Variants in TGFA observed in about 807,000 individuals in gnomAD.
TGFA encodes protransforming growth factor alpha.
In TGFA, 12 loss-of-function variants were observed where a neutral mutation model predicts 21.7. The ratio of observed to expected loss-of-function variants is 0.55; its 90% CI spans 0.35 to 0.90. The LOEUF (loss-of-function observed/expected upper bound fraction) is 0.90, where lower values mean the gene tolerates loss of function less well. Ranked by LOEUF, TGFA falls within the 40% of genes least tolerant of loss-of-function variation. The pLI, the probability that TGFA is intolerant of heterozygous loss-of-function variation, is 0.01. For synonymous variants in TGFA, 79 were observed against 88.1 expected, an observed-to-expected ratio of 0.90 and a Z score of 0.58; for missense variants, 178 against 210.8, an observed-to-expected ratio of 0.84 and a Z score of 0.96.
At position 70,504,469 on chromosome 2, in the gene TGFA, CAT is replaced by C. The variant is rs1230209696; in HGVS notation, c.94+10388_94+10389del. Among the ~76,000 whole-genome samples, 509 of 80,538 alleles carry C rather than the reference CAT, an allele frequency of 6.3e-3. 12 individuals carry two copies. Among genetic ancestry groups the C allele is most frequent in the African/African-American group, 0.018 (431 of 23,450 alleles). 52.8% of individuals were successfully genotyped at this position (80,538 alleles called of 152,430 possible). A position where few individuals can be genotyped will look rare whatever the true frequency, so the allele number is the denominator to read the frequency against. On this transcript the variant is annotated intron_variant, in intron 2 of 5. Coordinates refer to ENST00000295400, the MANE Select transcript of TGFA (RefSeq NM_003236.4). The stretch of plus-strand genomic sequence containing the variant: ...ATATATATATATATATATATACACA[CAT>C]ACATACATACATACACACACACACA...
At chr2:70,502,131 C>T (rs1671756097) in intron 2 of TGFA, among the ~76,000 whole-genome samples, 2 of 152,222 alleles carry the variant, frequency 1.3e-5, no homozygotes, top group African/African-American at 4.8e-5. Context: ...ATCGATGTTC[C>T]TCCTGAATCT....
intron 2 of TGFA, among the ~76,000 whole-genome samples, chr2:70,473,310 G>A (rs1553493605): frequency 6.6e-6 from 1 of 152,184 alleles, no homozygotes; most frequent in Non-Finnish European, 1.5e-5. Flanking sequence ...AGAGCTTAGA[G>A]AAGTAAATGG....
rs1488850382 is a variant in TGFA, at chr2:70,465,753, T to A, written c.95-17A>T. 4.3e-6 allele frequency: 7 copies of A among 1,613,254 alleles called. No individual in the cohort carries two copies. The highest frequency in any genetic ancestry group is 2.2e-5 in the East Asian group (1 of 44,880). On this transcript the variant is annotated splice_polypyrimidine_tract_variant and intron_variant, in intron 2 of 5. Coordinates refer to ENST00000295400, the MANE Select transcript of TGFA (RefSeq NM_003236.4). ...GCGGGTCTGCTGGGGAGAGGAAAGA[T>A]GCAGGGCTCAGATCCAGGAACAGCT...
intron 3 of TGFA, among the ~76,000 whole-genome samples, chr2:70,464,703 T>C (rs746303183): frequency 8.5e-5 from 13 of 152,238 alleles, no homozygotes; most frequent in Non-Finnish European, 1.8e-4. Context: ...TCTTTAAATA[T>C]GTCTTTCTGA....
At chr2:70,500,831 G>C (rs571357615) in intron 2 of TGFA, among the ~76,000 whole-genome samples, 1 of 152,230 alleles carries the variant, frequency 6.6e-6, no homozygotes, top group Admixed American at 6.5e-5. Flanking sequence ...CAGATGGATG[G>C]CTTGCAAATA....
intron 2 of TGFA, among the ~76,000 whole-genome samples, chr2:70,482,198 C>A (rs552211586): frequency 2.0e-5 from 3 of 151,854 alleles, no homozygotes; most frequent in African/African-American, 7.3e-5. Context: ...TTACCAAATA[C>A]GTTGGATGTT....
intron 1 of TGFA, among the ~76,000 whole-genome samples, chr2:70,521,879 C>A (rs1216466557): frequency 6.6e-6 from 1 of 152,034 alleles, no homozygotes; most frequent in Non-Finnish European, 1.5e-5. Flanking sequence ...TCCCAAAGTG[C>A]TGGGATTACA....
At chr2:70,466,183 G>A (rs1425030764) in intron 2 of TGFA, among the ~76,000 whole-genome samples, 1 of 152,196 alleles carries the variant, frequency 6.6e-6, no homozygotes, top group East Asian at 1.9e-4. Flanking sequence ...GCAAAAAGGT[G>A]CTTATGATAT....
chr2:70,488,525 TTC>T (rs1366768067), intron 2 of TGFA, among the ~76,000 whole-genome samples: 1 of 152,204 alleles, frequency 6.6e-6, no homozygotes, highest in Non-Finnish European at 1.5e-5. Flanking sequence ...TCTACTGAGA[TTC>T]TGTTTCTGTA....
At chr2:70,483,618 A>C (rs1327029577) in intron 2 of TGFA, among the ~76,000 whole-genome samples, 1 of 152,202 alleles carries the variant, frequency 6.6e-6, no homozygotes, top group Non-Finnish European at 1.5e-5. Context: ...CTGGTTTTGC[A>C]CTAACCTTTT....
intron 1 of TGFA, among the ~76,000 whole-genome samples, chr2:70,552,150 G>A (rs1341551785): frequency 6.6e-6 from 1 of 151,950 alleles, no homozygotes; most frequent in African/African-American, 2.4e-5. Context: ...TTCCTTCCAC[G>A]TTCTTCGACA....
chr2:70,478,423 G>A (rs1553494854), intron 2 of TGFA, among the ~76,000 whole-genome samples: 1 of 152,044 alleles, frequency 6.6e-6, no homozygotes, highest in Non-Finnish European at 1.5e-5. Context: ...TGACATAGAA[G>A]ATGGATGCCC....
chr2:70,525,204 CTGG>C (rs1442597516), intron 1 of TGFA, among the ~76,000 whole-genome samples: 3 of 152,234 alleles, frequency 2.0e-5, no homozygotes, highest in Non-Finnish European at 1.5e-5. Context: ...TCCCTGCACC[CTGG>C]TGCACAACAC....
chr2:70,497,653 T>C (rs1007934043), intron 2 of TGFA, among the ~76,000 whole-genome samples: 1 of 152,086 alleles, frequency 6.6e-6, no homozygotes, highest in Non-Finnish European at 1.5e-5. Context: ...GGCTGGTGGG[T>C]AGGATAAGAG....
At chr2:70,521,092 C>G (rs1198742558) in intron 1 of TGFA, among the ~76,000 whole-genome samples, 1 of 149,550 alleles carries the variant, frequency 6.7e-6, no homozygotes, top group East Asian at 1.9e-4. Context: ...TTCTTGCCAA[C>G]AGCTTAAAAA....
intron 2 of TGFA, among the ~76,000 whole-genome samples, chr2:70,484,578 T>C (rs1251867671): frequency 6.6e-6 from 1 of 152,218 alleles, no homozygotes; most frequent in African/African-American, 2.4e-5. Context: ...TTACATTGGC[T>C]TATCACCATG....
chr2:70,488,350 A>T (rs1671328657), intron 2 of TGFA, among the ~76,000 whole-genome samples: 1 of 152,194 alleles, frequency 6.6e-6, no homozygotes. Context: ...CTTATATTTA[A>T]TTCTAAACCA....
At chr2:70,507,199 C>A (rs1481453444) in intron 2 of TGFA, among the ~76,000 whole-genome samples, 1 of 152,242 alleles carries the variant, frequency 6.6e-6, no homozygotes, top group African/African-American at 2.4e-5. Context: ...AGTCACTGGA[C>A]TGCAAGGCCG....
chr2:70,546,972 C>A (rs1254012332), intron 1 of TGFA, among the ~76,000 whole-genome samples: 13 of 152,186 alleles, frequency 8.5e-5, no homozygotes, highest in Admixed American at 3.3e-4. Context: ...GTGGTACTAG[C>A]AACTTGTTCT....
Sources: allele counts gnomAD v4.1 joint callset (sites outside exome capture counted in the v4.1 genomes callset), GRCh38; gene constraint gnomAD v4.1.1; transcripts MANE v1.5; gene names NCBI Gene and HGNC (gene_info 2026-07-23, HGNC 2026-07-21).